Variants in SSX2IP observed in about 807,000 individuals in gnomAD.
SSX2IP encodes afadin- and alpha-actinin-binding protein.
A neutral mutation model predicts 84.9 loss-of-function variants in SSX2IP; 55 were observed. The ratio of observed to expected loss-of-function variants is 0.65; its 90% confidence interval spans 0.52 to 0.81. The LOEUF is 0.81. Ranked by LOEUF, SSX2IP falls within the 30% of genes least tolerant of loss-of-function variation. The pLI is 0.00. For missense variants in SSX2IP, 664 were observed against 705.2 expected, an observed-to-expected ratio of 0.94 and a Z score of 0.66; for synonymous variants, 239 against 234.7, an observed-to-expected ratio of 1.02 and a Z score of -0.17.
In SSX2IP at chr1:84,650,806, G is replaced by A. The variant is rs1409461011; in HGVS notation, c.1505-279C>T. ...TGCAAGCTCCACCTCCTGGGTTCAC[G>A]CCATTCTCCTTCCTCAGCCTCCCGA... On this transcript the variant is annotated intron_variant, in intron 12 of 13. Transcript: ENST00000342203. 4.6e-5 allele frequency among the ~76,000 whole-genome samples: 7 copies of A among 151,944 alleles called. 1 individual carries two copies. In the South Asian group the frequency reaches 8.3e-4, roughly 18 times the overall value.
chr1:84,665,787 A>G (rs1289698634), intron 5 of SSX2IP, among the ~76,000 whole-genome samples: 1 of 152,214 alleles, frequency 6.6e-6, no homozygotes, highest in African/African-American at 2.4e-5. Flanking sequence ...GTACAGGTAC[A>G]GCAGAGAATA....
intron 13 of SSX2IP, chr1:84,649,644 A>G (rs1649935168): frequency 5.0e-6 from 1 of 198,592 alleles, no homozygotes; most frequent in South Asian, 8.4e-5. Flanking sequence ...AAGAGCAAAG[A>G]GATTACCACC....
chr1:84,669,127 C>T (rs962996041), intron 4 of SSX2IP, among the ~76,000 whole-genome samples: 2 of 150,892 alleles, frequency 1.3e-5, no homozygotes, highest in African/African-American at 2.4e-5. Flanking sequence ...AAATATTCTA[C>T]ATTTTAAAGT....
At chr1:84,658,272 T>C (rs1356607319) in intron 9 of SSX2IP, 46 bp downstream of exon 9, 2 of 1,607,232 alleles carry the variant, frequency 1.2e-6, no homozygotes, top group Non-Finnish European at 8.5e-7. Flanking sequence ...ATCAACACCT[T>C]ACCAAATGTC....
rs774973957 is a variant in SSX2IP at position 84,670,788 on chromosome 1, G to A, written c.71C>T (p.Ser24Leu). 1.2e-6 allele frequency: 2 copies of A among 1,609,966 alleles called. No homozygotes were observed. The highest frequency in any genetic ancestry group is 2.2e-5 in the South Asian group (2 of 89,800). ...SESKTISQYTSETKMSPSSLY... is the reference protein window; with the variant it reads ...SESKTISQYTLETKMSPSSLY... ...ACTTGATGGAGACATCTTTGTTTCT[G>A]AGGTATATTGAGAGATAGTTTTGCT... is the stretch of plus-strand genomic sequence containing the variant. Residue 24 changes from serine to leucine, a missense_variant, in exon 3 of 14, where the codon TCA (serine) becomes TTA (leucine). Ser to Leu is a moderately radical substitution (Grantham distance 145). Coordinates refer to ENST00000342203, the MANE Select transcript of SSX2IP (RefSeq NM_001166293.2).
chr1:84,688,485 G>A (rs1656104793), intron 1 of SSX2IP, among the ~76,000 whole-genome samples: 1 of 152,158 alleles, frequency 6.6e-6, no homozygotes. Flanking sequence ...TGGGGGCGGT[G>A]TCTTTTCATG....
intron 8 of SSX2IP, among the ~76,000 whole-genome samples, chr1:84,661,033 C>T (rs1321583750): frequency 6.8e-6 from 1 of 145,992 alleles, no homozygotes; most frequent in African/African-American, 2.5e-5. Context: ...TGCCACTGCG[C>T]TCCAGCCTGG....
At chr1:84,687,234 A>G (rs1477745031) in intron 1 of SSX2IP, among the ~76,000 whole-genome samples, 2 of 152,254 alleles carry the variant, frequency 1.3e-5, no homozygotes, top group Non-Finnish European at 2.9e-5. Context: ...ACTCAAGAGA[A>G]TATGAGAAAA....
At chr1:84,678,477 T>C in intron 1 of SSX2IP, among the ~76,000 whole-genome samples, 1 of 152,178 alleles carries the variant, frequency 6.6e-6, no homozygotes. Context: ...AAGCCCTCCA[T>C]ATACTTATTG....
intron 1 of SSX2IP, among the ~76,000 whole-genome samples, chr1:84,681,611 G>A (rs761725011): frequency 7.8e-6 from 1 of 128,174 alleles, no homozygotes; most frequent in South Asian, 2.7e-4. Context: ...TGTTATAGGA[G>A]CATGTATTAT....
chr1:84,681,545 G>A (rs1285545427), intron 1 of SSX2IP, among the ~76,000 whole-genome samples: 1 of 152,204 alleles, frequency 6.6e-6, no homozygotes, highest in Non-Finnish European at 1.5e-5. Context: ...GGTACAGGGA[G>A]GGGTAGAAGA....
At chr1:84,666,270 A>C (rs1273000573) in intron 4 of SSX2IP, 38 bp from the exon 5 acceptor site, 21 of 1,456,994 alleles carry the variant, frequency 1.4e-5, no homozygotes, top group Non-Finnish European at 1.9e-5. Context: ...AAAATTAATA[A>C]AGGATTTAGA....
intron 3 of SSX2IP, 154 bp downstream of exon 3, chr1:84,670,492 A>T: frequency 2.0e-6 from 1 of 502,198 alleles, no homozygotes; most frequent in Non-Finnish European, 3.4e-6. Context: ...TGCTATCTCT[A>T]GATGAGATAA....
chr1:84,658,420 T>C lies in SSX2IP; in HGVS notation c.976A>G (p.Met326Val). ...ACAGTTTCACAGGAAAGGTCCCACA[T>C]ACTCTCTCTGCTTAGTTCCCCGGCA... Reference protein sequence around the residue: ...EDAGELSRESMWDLSCETVRE... With the variant: ...EDAGELSRESVWDLSCETVRE... The change falls in exon 9 of 14, where the codon ATG becomes GTG. Residue 326 changes from methionine (M) to valine (V), a missense_variant. Transcript: ENST00000342203. 4 of 1,614,136 alleles carry C rather than the reference T, an allele frequency of 2.5e-6. No individual in the cohort carries two copies. Among genetic ancestry groups the C allele is most frequent in the Non-Finnish European group, 3.4e-6 (4 of 1,180,008 alleles).
At chr1:84,657,825 T>A (rs1174421589) in intron 9 of SSX2IP, among the ~76,000 whole-genome samples, 1 of 152,182 alleles carries the variant, frequency 6.6e-6, no homozygotes, top group Non-Finnish European at 1.5e-5. Context: ...GGTTCAAACC[T>A]CACATCTAAA....
intron 11 of SSX2IP, among the ~76,000 whole-genome samples, chr1:84,654,765 T>C (rs756647691): frequency 1.8e-4 from 28 of 152,210 alleles, no homozygotes; most frequent in Non-Finnish European, 3.1e-4. Flanking sequence ...ATCAATTTTC[T>C]TTCCTGGTTT....
rs139834938 is a variant in SSX2IP at position 84,655,845 on chromosome 1, C to A, written c.1376G>T (p.Arg459Leu). The change falls in exon 11 of 14, where the codon CGC becomes CTC. Residue 459 changes from arginine to leucine, a missense_variant. By Grantham distance (102) the Arg-to-Leu change is moderately radical. Transcript: ENST00000342203. ...TGTTTAAAATACCTCCAATCCCAGG[C>A]GAATAGCGGCTTCTGTAAAGCTTCG... ...ERRSFTEAAIRLGLERKAFEE... is the reference protein window; with the variant it reads ...ERRSFTEAAILLGLERKAFEE... The A allele has an allele frequency of 9.3e-6, 15 of 1,613,290 alleles. No individual in the cohort carries two copies. The African/African-American group carries it at 1.5e-4, about 16-fold the overall frequency.
At chr1:84,662,656 CA>C in intron 6 of SSX2IP, 126 bp from the exon 7 acceptor site, 1 of 956,764 alleles carries the variant, frequency 1.0e-6, no homozygotes, top group Non-Finnish European at 1.5e-6. Flanking sequence ...TGGGCTTAAA[CA>C]GCCTAATTTT....
intron 12 of SSX2IP, among the ~76,000 whole-genome samples, chr1:84,650,898 G>A (rs1650144191): frequency 6.6e-6 from 1 of 152,034 alleles, no homozygotes; most frequent in African/African-American, 2.4e-5. Flanking sequence ...GTACAGACGG[G>A]GTTTCACTGT....
Sources: allele counts gnomAD v4.1 joint callset (sites outside exome capture counted in the v4.1 genomes callset), GRCh38; gene constraint gnomAD v4.1.1; transcripts MANE v1.5; gene names NCBI Gene and HGNC (gene_info 2026-07-23, HGNC 2026-07-21).